The following CAMKK2 variants were observed in gnomAD, a reference collection of about 807,000 sequenced individuals.
CAMKK2 encodes calcium/calmodulin-dependent protein kinase kinase 2.
Under a neutral mutation model 67.2 loss-of-function variants are expected in CAMKK2, and 30 were observed. The ratio of observed to expected loss-of-function variants is 0.45; its 90% CI spans 0.33 to 0.61. The LOEUF (loss-of-function observed/expected upper bound fraction) is 0.61. Among genes scored for constraint, CAMKK2 ranks in the 20% least tolerant of loss-of-function variants. The pLI, the probability that CAMKK2 is intolerant of heterozygous loss-of-function variation, is 0.02. For synonymous variants in CAMKK2, 322 were observed against 326.2 expected, an observed-to-expected ratio of 0.99 and a Z score of 0.14; for missense variants, 643 against 802.0, an observed-to-expected ratio of 0.80 and a Z score of 2.39.
intron 1 of CAMKK2, among the ~76,000 whole-genome samples, chr12:121,277,123 T>G (rs1612131): frequency 0.024 from 3,621 of 151,860 alleles, 150 homozygotes; most frequent in African/African-American, 0.083. Flanking sequence ...ACTGATGAAA[T>G]AGCTACTACG....
At chr12:121,243,864 C>T in intron 16 of CAMKK2, 3 of 1,351,804 alleles carry the variant, frequency 2.2e-6, no homozygotes, top group South Asian at 1.8e-5. Flanking sequence ...GCCTGGAGCT[C>T]CCACCAAGTC....
intron 11 of CAMKK2, among the ~76,000 whole-genome samples, chr12:121,250,286 T>C (rs1890414986): frequency 6.6e-6 from 1 of 152,076 alleles, no homozygotes; most frequent in Admixed American, 6.5e-5. Context: ...CACTGCAGGC[T>C]CCCTCTGTAG....
chr12:121,240,212 T>C lies in CAMKK2; in HGVS notation c.*487A>G, dbSNP rs1332431208. 3.4e-6 allele frequency: 2 copies of C among 584,140 alleles called. No homozygotes were observed. The highest frequency in any genetic ancestry group is 6.0e-6 in the Non-Finnish European group (2 of 331,534). The allele number at this position is 584,140 out of a possible 1,614,324, so 36.2% of individuals were successfully genotyped here. A position where few individuals can be genotyped will look rare whatever the true frequency, so the allele number is the denominator to read the frequency against. On this transcript the variant is annotated 3_prime_UTR_variant, in exon 17 of 17. Transcript: ENST00000404169. This position sits in a 1 kb window ranked among gnomAD's most constrained non-coding sequence, Gnocchi z 4.4. ...TGCTCTGACTCCTTGAGACCACGGC[T>C]CTGGAAGGTGCCATGGTTTCCGGTT...
chr12:121,281,526 T>C (rs1286162739), intron 1 of CAMKK2, among the ~76,000 whole-genome samples: 1 of 152,260 alleles, frequency 6.6e-6, no homozygotes, highest in Non-Finnish European at 1.5e-5. Flanking sequence ...CGTTCATTCA[T>C]TCATTCATTC....
chr12:121,244,805 A>G (rs1303818223), intron 15 of CAMKK2, among the ~76,000 whole-genome samples, 190 bp from the exon 16 acceptor site: 8 of 152,096 alleles, frequency 5.3e-5, no homozygotes, highest in Admixed American at 3.3e-4. Flanking sequence ...GTGAGACCAC[A>G]CTGCTCGCCC....
intron 1 of CAMKK2, among the ~76,000 whole-genome samples, chr12:121,277,563 T>C (rs371520477): frequency 1.3e-5 from 2 of 152,096 alleles, no homozygotes; most frequent in African/African-American, 4.8e-5. Context: ...AGAAGGAAAC[T>C]CTGACTCACA....
chr12:121,251,698 G>A (rs1890745098), intron 11 of CAMKK2, among the ~76,000 whole-genome samples: 1 of 151,766 alleles, frequency 6.6e-6, no homozygotes, highest in Non-Finnish European at 1.5e-5. Context: ...GTGGTGGCTG[G>A]CATCTGTAGT....
At position 121,252,540 on chromosome 12, in the gene CAMKK2, G is replaced by A. The variant is rs1039919121; in HGVS notation, c.1161+121C>T. On this transcript the variant is annotated intron_variant, in intron 11 of 16. Coordinates refer to ENST00000404169, the MANE Select transcript of CAMKK2 (RefSeq NM_001270485.2). ...CCCAAAGTGCTGGGTTTACAGGCGT[G>A]AGCCACCATGCCCAGCCTAAAATAA... The A allele has an allele frequency of 1.1e-5, 10 of 912,022 alleles. No homozygotes were observed. The African/African-American group carries it at 1.2e-4, about 11-fold the overall frequency. The allele number at this position is 912,022 out of a possible 1,614,324, so 56.5% of individuals were successfully genotyped here. A position where few individuals can be genotyped will look rare whatever the true frequency, so the allele number is the denominator to read the frequency against.
At chr12:121,297,589 T>C, upstream of CAMKK2, 1 of 516,692 alleles carries the variant, frequency 1.9e-6, no homozygotes, top group South Asian at 1.4e-5. Context: ...ATAACAGCAC[T>C]GTGCGGGGAA....
rs1896374043 is a variant in CAMKK2, at chr12:121,274,291, T to C, written c.236A>G (p.Gln79Arg). The C allele has an allele frequency of 6.2e-7, 1 of 1,612,312 alleles. No individual in the cohort carries two copies. The change falls in exon 2 of 17, where the codon CAA becomes CGA. Residue 79 changes from glutamine (Q) to arginine (R), a missense_variant. This residue lies in a region of CAMKK2 where 483 missense variants were observed against 625.8 expected (regional missense o/e 0.77). Transcript: ENST00000404169. ...CCCGGAGGTGTCAAGGGGGACCTCT[T>C]GGCCATCGGCCTCCAGGGGCCGGTC... The part of the protein sequence containing the change: ...ARDRPLEADG[Q>R]EVPLDTSGSQ...
chr12:121,279,526 C>T (rs1385804440), intron 1 of CAMKK2, among the ~76,000 whole-genome samples: 1 of 152,248 alleles, frequency 6.6e-6, no homozygotes, highest in African/African-American at 2.4e-5. Flanking sequence ...ACTGAGCTCT[C>T]ATCAGGCACC....
At chr12:121,262,340 A>G (rs1271297985) in intron 6 of CAMKK2, among the ~76,000 whole-genome samples, 2 of 151,910 alleles carry the variant, frequency 1.3e-5, no homozygotes, top group Non-Finnish European at 1.5e-5. Flanking sequence ...GTGAAACCCC[A>G]TCTCCATTAA....
intron 1 of CAMKK2, among the ~76,000 whole-genome samples, chr12:121,283,711 A>T (rs1282687005): frequency 6.6e-6 from 1 of 152,188 alleles, no homozygotes; most frequent in Non-Finnish European, 1.5e-5. Context: ...GCTACTCAGG[A>T]GGCTGAGGCG....
At chr12:121,288,397 A>G (rs546508297) in intron 1 of CAMKK2, among the ~76,000 whole-genome samples, 1 of 152,160 alleles carries the variant, frequency 6.6e-6, no homozygotes, top group South Asian at 2.1e-4. Flanking sequence ...AGGGACAAGA[A>G]GAGTGCAGGG....
At chr12:121,274,677 T>A (rs1266003611) in intron 1 of CAMKK2, 92 bp from the exon 2 acceptor site, 2 of 610,172 alleles carry the variant, frequency 3.3e-6, no homozygotes, top group African/African-American at 3.7e-5. Context: ...GCTGTCTAAT[T>A]CCTGCCTCCA....
chr12:121,245,246 G>C lies in CAMKK2; in HGVS notation c.1453-6C>G, dbSNP rs1368201066. ...ATCATGGTCTTCACCAGGATCTGAA[G>C]AGGGAGAAAAGAGGAGGTGGCAGGC... On this transcript the variant is annotated splice_region_variant and splice_polypyrimidine_tract_variant and intron_variant, in intron 14 of 16. Transcript: ENST00000404169. This position sits in a 1 kb window ranked among gnomAD's most constrained non-coding sequence, Gnocchi z 5.8. 1 of 1,587,658 alleles carries C rather than the reference G, an allele frequency of 6.3e-7. No homozygotes were observed. Among genetic ancestry groups the C allele is most frequent in the Admixed American group, 1.7e-5 (1 of 57,844 alleles).
intron 14 of CAMKK2, among the ~76,000 whole-genome samples, chr12:121,247,863 G>A (rs1889823249): frequency 6.6e-6 from 1 of 152,210 alleles, no homozygotes; most frequent in South Asian, 2.1e-4. Flanking sequence ...CCGGCCCACT[G>A]GGACTAGTGC....
intron 5 of CAMKK2, among the ~76,000 whole-genome samples, chr12:121,264,362 C>T (rs565029929): frequency 1.3e-5 from 2 of 152,342 alleles, no homozygotes; most frequent in South Asian, 2.1e-4. Context: ...GCTGGCTGGG[C>T]GCTATGGCTC....
chr12:121,262,990 C>CAA (rs1334441188), intron 6 of CAMKK2, among the ~76,000 whole-genome samples: 1 of 151,280 alleles, frequency 6.6e-6, no homozygotes, highest in Non-Finnish European at 1.5e-5. Context: ...TTTTTAGAGA[C>CAA]AGAGTTTCAC....
Sources: gnomAD v4.1 joint callset for allele counts (sites outside exome capture counted in the v4.1 genomes callset) on GRCh38, gnomAD v4.1.1 for gene constraint, gnomAD v4.1.1 regional missense constraint, Gnocchi (gnomAD v3.1) non-coding constraint, MANE v1.5 for transcripts, NCBI Gene and HGNC (gene_info 2026-07-23, HGNC 2026-07-21) for gene names.